Variants in PLXNA2 observed in about 807,000 individuals in gnomAD.
The protein encoded by PLXNA2 is plexin-A2.
PLXNA2 carries 91 observed loss-of-function variants against 193.5 expected under a neutral mutation model. The observed-to-expected ratio is 0.47, with a 90% confidence interval of 0.40 to 0.56. The LOEUF is 0.56. Ranked by LOEUF, PLXNA2 falls within the 20% of genes least tolerant of loss-of-function variation. PLXNA2 has a pLI of 0.00. For missense variants in PLXNA2, 1,995 were observed against 2,503.2 expected (o/e 0.80, Z 4.33); for synonymous variants, 997 against 1,027.3 (o/e 0.97, Z 0.56).
intron 12 of PLXNA2, 61 bp downstream of exon 12, chr1:208,079,199 C>T: frequency 3.5e-6 from 5 of 1,420,830 alleles, no homozygotes; most frequent in Non-Finnish European, 4.9e-6. Context: ...CACTCCTCTC[C>T]CACTGTCTTG....
Position 208,045,050 on chromosome 1 carries a change from AC to A in PLXNA2, c.3639+16del, listed in dbSNP as rs976697877. On this transcript the variant is annotated intron_variant, in intron 19 of 31. Coordinates refer to ENST00000367033, the MANE Select transcript of PLXNA2 (RefSeq NM_025179.4). ...ACGAGGCGGGAAGGAGGCATTACAG[AC>A]GCAGGGCTCACTCACCATGACCTTG... 6.8e-6 allele frequency: 11 copies of A among 1,613,992 alleles called. No homozygotes were observed. The highest frequency in any genetic ancestry group is 5.0e-5 in the Admixed American group (3 of 60,016).
Position 208,152,683 on chromosome 1 carries a change from G to GCACACACA in PLXNA2, c.1372-10228_1372-10221dup, listed in dbSNP as rs56051287. On this transcript the variant is annotated intron_variant, in intron 3 of 31. Coordinates refer to ENST00000367033, the MANE Select transcript of PLXNA2 (RefSeq NM_025179.4). Reference sequence around the variant, plus strand: ...TGCATACACATACACACACACACACGCACACACACACACACACACACACAC... The same window carrying GCACACACA: ...TGCATACACATACACACACACACACGCACACACACACACACACACACACACACACACAC... 4.1e-4 allele frequency among the ~76,000 whole-genome samples: 57 copies of GCACACACA among 140,340 alleles called. 1 individual carries two copies. Among genetic ancestry groups the GCACACACA allele is most frequent in the South Asian group, 2.3e-3 (10 of 4,278 alleles). 92.1% of individuals were successfully genotyped at this position (140,340 alleles called of 152,430 possible). A position where few individuals can be genotyped will look rare whatever the true frequency, so the allele number is the denominator to read the frequency against.
chr1:208,182,206 G>A lies in PLXNA2; in HGVS notation c.1371+28074C>T, dbSNP rs181996222. ...ACCCAGCACTTTGGGAGGCTGAGGC[G>A]GGCGGATCACAAGGTCAGGAGTTCG... is the stretch of plus-strand genomic sequence containing the variant. On this transcript the variant is annotated intron_variant, in intron 3 of 31. Coordinates refer to ENST00000367033, the MANE Select transcript of PLXNA2 (RefSeq NM_025179.4). 7.4e-4 allele frequency among the ~76,000 whole-genome samples: 112 copies of A among 152,224 alleles called. 1 individual carries two copies. The highest frequency in any genetic ancestry group is 4.1e-3 in the East Asian group (21 of 5,168).
At chr1:208,214,573 C>T (rs1671065968) in intron 2 of PLXNA2, among the ~76,000 whole-genome samples, 1 of 152,158 alleles carries the variant, frequency 6.6e-6, no homozygotes, top group Non-Finnish European at 1.5e-5. Context: ...CGGCAGGCAC[C>T]TTCAATTTAG....
At chr1:208,152,718 C>CACACACACA (rs1668807671) in intron 3 of PLXNA2, among the ~76,000 whole-genome samples, 1 of 146,540 alleles carries the variant, frequency 6.8e-6, no homozygotes, top group East Asian at 1.9e-4. Context: ...CACACACACA[C>CACACACACA]CACCTTCAAT....
chr1:208,195,654 G>A (rs34105389), intron 3 of PLXNA2, among the ~76,000 whole-genome samples: 6 of 148,692 alleles, frequency 4.0e-5, no homozygotes, highest in South Asian at 4.4e-4. Context: ...TGTTTTTTGG[G>A]GGGGGGGGTT....
At chr1:208,124,407 G>A (rs1343939908) in intron 4 of PLXNA2, among the ~76,000 whole-genome samples, 33 of 152,244 alleles carry the variant, frequency 2.2e-4, no homozygotes, top group Non-Finnish European at 2.5e-4. Context: ...GGCCAGGCAC[G>A]GTGGCTCACG....
At chr1:208,158,744 G>A (rs541396368) in intron 3 of PLXNA2, among the ~76,000 whole-genome samples, 4 of 152,336 alleles carry the variant, frequency 2.6e-5, no homozygotes, top group South Asian at 2.1e-4. Context: ...AGGAAGCTGC[G>A]CTGGGAAAAC....
At chr1:208,209,689 T>C (rs991400273) in intron 3 of PLXNA2, among the ~76,000 whole-genome samples, 8 of 152,124 alleles carry the variant, frequency 5.3e-5, no homozygotes, top group Non-Finnish European at 1.0e-4. Flanking sequence ...TACTTCCACC[T>C]GGCAGCTTAC....
At chr1:208,175,295 A>G (rs886287234) in intron 3 of PLXNA2, among the ~76,000 whole-genome samples, 4 of 152,144 alleles carry the variant, frequency 2.6e-5, no homozygotes, top group African/African-American at 9.7e-5. Context: ...CTACATTCCA[A>G]CTGGGTCCAC....
At chr1:208,168,834 G>C (rs1175473455) in intron 3 of PLXNA2, among the ~76,000 whole-genome samples, 1 of 143,280 alleles carries the variant, frequency 7.0e-6, no homozygotes, top group African/African-American at 2.6e-5. Flanking sequence ...TGCTATCCCA[G>C]TGAGACCCAA....
Position 208,033,238 on chromosome 1 carries a change from C to CAG in PLXNA2, c.5055+79_5055+80dup, listed in dbSNP as rs935842756. On this transcript the variant is annotated intron_variant, in intron 28 of 31. Coordinates refer to ENST00000367033, the MANE Select transcript of PLXNA2 (RefSeq NM_025179.4). ...ATGGGTCCTCTTGAAGGACACACTC[C>CAG]AGACATCCTTTCTGTGTTGTGGAGG... 4.1e-5 allele frequency: 55 copies of CAG among 1,330,388 alleles called. No homozygotes were observed. In the Admixed American group the frequency reaches 9.8e-4, roughly 24 times the overall value. 82.4% of individuals were successfully genotyped at this position (1,330,388 alleles called of 1,614,324 possible). A position where few individuals can be genotyped will look rare whatever the true frequency, so the allele number is the denominator to read the frequency against.
At chr1:208,127,868 A>T (rs1413816493) in intron 4 of PLXNA2, among the ~76,000 whole-genome samples, 1 of 152,208 alleles carries the variant, frequency 6.6e-6, no homozygotes, top group Non-Finnish European at 1.5e-5. Context: ...CCCTGGCGGG[A>T]GCAGCGAGTA....
At chr1:208,116,228 A>G (rs1667636415) in intron 4 of PLXNA2, among the ~76,000 whole-genome samples, 1 of 152,174 alleles carries the variant, frequency 6.6e-6, no homozygotes, top group Admixed American at 6.5e-5. Context: ...CTCTGAACTG[A>G]GAATCTGACT....
At chr1:208,166,939 T>C (rs1571989076) in intron 3 of PLXNA2, among the ~76,000 whole-genome samples, 1 of 152,298 alleles carries the variant, frequency 6.6e-6, no homozygotes, top group East Asian at 1.9e-4. Flanking sequence ...TTCTGTGTGT[T>C]GCTGCAACTC....
At chr1:208,073,000 G>A (rs939049831) in intron 12 of PLXNA2, among the ~76,000 whole-genome samples, 5 of 152,148 alleles carry the variant, frequency 3.3e-5, no homozygotes, top group Admixed American at 2.6e-4. Context: ...GGAGGAAGTC[G>A]GCCTTCTGCT....
rs1671841164 is a variant in PLXNA2 at position 208,236,084 on chromosome 1, T to C, written c.-81+7559A>G. Among the ~76,000 whole-genome samples the C allele has an allele frequency of 6.6e-6, 1 of 152,136 alleles. No homozygotes were observed. The highest frequency in any genetic ancestry group is 1.5e-5 in the Non-Finnish European group (1 of 68,026). On this transcript the variant is annotated intron_variant, in intron 1 of 31. Transcript: ENST00000367033. The surrounding 1 kb of genome is among the most constrained non-coding windows in gnomAD (Gnocchi z 4.4). Reference sequence around the variant, plus strand: ...CGGCCCTGCTCCTGGAAAACACCACTGCCCTAAAACGTGGAGTGGAGACCT... The same window carrying C: ...CGGCCCTGCTCCTGGAAAACACCACCGCCCTAAAACGTGGAGTGGAGACCT...
At chr1:208,237,415 C>A (rs928654657) in intron 1 of PLXNA2, among the ~76,000 whole-genome samples, 4 of 152,200 alleles carry the variant, frequency 2.6e-5, no homozygotes, top group East Asian at 3.9e-4. Context: ...GGCCTCTACA[C>A]GCCAGCTCCA....
chr1:208,030,214 G>T, intron 29 of PLXNA2: 1 of 985,530 alleles, frequency 1.0e-6, no homozygotes, highest in Non-Finnish European at 1.2e-6. Flanking sequence ...CCCTTCTTCT[G>T]GCAGCCTTGG....
Sources: allele counts gnomAD v4.1 joint callset (sites outside exome capture counted in the v4.1 genomes callset), GRCh38; gene constraint gnomAD v4.1.1; non-coding constraint Gnocchi (gnomAD v3.1); transcripts MANE v1.5; gene names NCBI Gene and HGNC (gene_info 2026-07-23, HGNC 2026-07-21).